ARHGAP10: variants seen among roughly 807,000 people sequenced by gnomAD.
ARHGAP10 encodes Rho GTPase activating protein 10.
Under a neutral mutation model 108.6 loss-of-function variants are expected in ARHGAP10, and 87 were observed. The observed-to-expected ratio is 0.80, with a 90% CI of 0.67 to 0.96. The LOEUF (loss-of-function observed/expected upper bound fraction) is 0.96. Among genes scored for constraint, ARHGAP10 ranks in the 40% least tolerant of loss-of-function variants. The pLI is 0.00. For synonymous variants in ARHGAP10, 347 were observed against 341.1 expected (o/e 1.02, Z -0.19); for missense variants, 939 against 954.5 (o/e 0.98, Z 0.21).
At chr4:147,951,643 G>A (rs1055049167) in intron 15 of ARHGAP10, among the ~76,000 whole-genome samples, 1 of 151,206 alleles carries the variant, frequency 6.6e-6, no homozygotes, top group East Asian at 1.9e-4. Flanking sequence ...AATAGAAACA[G>A]GGTCTCACTT....
chr4:147,776,775 T>G (rs147144123), intron 1 of ARHGAP10, among the ~76,000 whole-genome samples: 1 of 152,332 alleles, frequency 6.6e-6, no homozygotes, highest in Non-Finnish European at 1.5e-5. Context: ...CATTGGGAGC[T>G]TAGTGCACTG....
chr4:148,031,048 G>C (rs1373317983), intron 19 of ARHGAP10, among the ~76,000 whole-genome samples: 1 of 152,002 alleles, frequency 6.6e-6, no homozygotes, highest in Non-Finnish European at 1.5e-5. Flanking sequence ...GACAGATCAA[G>C]ACCCCATCTC....
At chr4:147,959,389 C>CT (rs897985666) in intron 16 of ARHGAP10, among the ~76,000 whole-genome samples, 3 of 151,824 alleles carry the variant, frequency 2.0e-5, no homozygotes, top group African/African-American at 4.8e-5. Context: ...AAATTATACT[C>CT]TAAGTTCTAG....
chr4:147,953,563 A>C (rs1738685760), intron 15 of ARHGAP10, among the ~76,000 whole-genome samples: 1 of 151,722 alleles, frequency 6.6e-6, no homozygotes. Flanking sequence ...GTATTTCTTT[A>C]TTTTATTTTT....
At chr4:148,052,521 C>T (rs1729191860) in intron 20 of ARHGAP10, among the ~76,000 whole-genome samples, 1 of 151,286 alleles carries the variant, frequency 6.6e-6, no homozygotes, top group Non-Finnish European at 1.5e-5. Context: ...AATGAACTTC[C>T]CATTGCAAAA....
chr4:147,741,221 T>G (rs982299906), intron 1 of ARHGAP10, among the ~76,000 whole-genome samples: 3 of 152,240 alleles, frequency 2.0e-5, no homozygotes, highest in Admixed American at 1.3e-4. Context: ...GATGAAAGCC[T>G]TATTGAAATT....
At chr4:148,001,752 C>A (rs113042079) in intron 18 of ARHGAP10, among the ~76,000 whole-genome samples, 1 of 152,108 alleles carries the variant, frequency 6.6e-6, no homozygotes, top group Non-Finnish European at 1.5e-5. Context: ...GTGATTTTTG[C>A]ACATCGATTT....
At chr4:147,760,405 G>A (rs901679126) in intron 1 of ARHGAP10, among the ~76,000 whole-genome samples, 3 of 152,192 alleles carry the variant, frequency 2.0e-5, no homozygotes, top group East Asian at 1.9e-4. Flanking sequence ...ACTTGGCAAC[G>A]TCAGGGTTTG....
intron 18 of ARHGAP10, among the ~76,000 whole-genome samples, chr4:147,974,557 A>G (rs78087548): frequency 6.6e-6 from 1 of 152,092 alleles, no homozygotes; most frequent in Non-Finnish European, 1.5e-5. Context: ...TTCAGATTAC[A>G]TTGATCTTAT....
At position 147,732,172 on chromosome 4, in the gene ARHGAP10, C is replaced by G; in HGVS notation, c.-130C>G. On this transcript the variant is annotated 5_prime_UTR_variant, in exon 1 of 23. Transcript: ENST00000336498. ...CTACGGGACATGTCCGTGCCGCGCT[C>G]GCCGCGCGCCCGGGCCTGCTAGCTC... The G allele has an allele frequency of 1.1e-6, 1 of 906,022 alleles. No individual in the cohort carries two copies. The highest frequency in any genetic ancestry group is 1.5e-6 in the Non-Finnish European group (1 of 668,958). The allele number at this position is 906,022 out of a possible 1,614,324, so 56.1% of individuals were successfully genotyped here.
chr4:147,743,019 G>A (rs562267054), intron 1 of ARHGAP10, among the ~76,000 whole-genome samples: 3 of 149,766 alleles, frequency 2.0e-5, no homozygotes, highest in African/African-American at 4.9e-5. Flanking sequence ...CATACTGATC[G>A]ATAGTTTTTT....
intron 13 of ARHGAP10, among the ~76,000 whole-genome samples, chr4:147,937,538 A>T (rs1162846957): frequency 1.3e-5 from 2 of 152,204 alleles, no homozygotes; most frequent in African/African-American, 4.8e-5. Flanking sequence ...ATAAAAAGCA[A>T]AGAGGATTTA....
rs59933316 is a variant in ARHGAP10, at chr4:147,837,643, G to GTTTTTTTTTTTTTTTTTTTTTTTTTT, written c.313-9489_313-9488insTTTTTTTTTTTTTTTTTTTTTTTTTT. 3.4e-4 allele frequency among the ~76,000 whole-genome samples: 24 copies of GTTTTTTTTTTTTTTTTTTTTTTTTTT among 70,238 alleles called. 3 individuals are homozygous for GTTTTTTTTTTTTTTTTTTTTTTTTTT. Among genetic ancestry groups the GTTTTTTTTTTTTTTTTTTTTTTTTTT allele is most frequent in the African/African-American group, 6.7e-4 (17 of 25,504 alleles). 46.1% of individuals were successfully genotyped at this position (70,238 alleles called of 152,430 possible). A position where few individuals can be genotyped will look rare whatever the true frequency, so the allele number is the denominator to read the frequency against. On this transcript the variant is annotated intron_variant, in intron 3 of 22. Transcript: ENST00000336498. ...CACCTCGCTAGAATCTCTGGTCACT[G>GTTTTTTTTTTTTTTTTTTTTTTTTTT]TTTTTTTTTTTTTTTTTTTAAAGCA...
chr4:147,905,167 T>C (rs1736431537), intron 10 of ARHGAP10, among the ~76,000 whole-genome samples: 1 of 152,204 alleles, frequency 6.6e-6, no homozygotes, highest in Non-Finnish European at 1.5e-5. Context: ...GAAAATTTTC[T>C]CCCATTTTGT....
chr4:148,039,998 A>T (rs1394507469), intron 19 of ARHGAP10, among the ~76,000 whole-genome samples: 1 of 152,206 alleles, frequency 6.6e-6, no homozygotes, highest in East Asian at 1.9e-4. Context: ...GTTCTCATTT[A>T]CAAGTCCATG....
At chr4:147,970,213 A>G (rs1739353633) in intron 18 of ARHGAP10, among the ~76,000 whole-genome samples, 1 of 152,200 alleles carries the variant, frequency 6.6e-6, no homozygotes, top group African/African-American at 2.4e-5. Context: ...AAAACTTCAT[A>G]TGGATGCGTG....
chr4:147,811,212 G>C (rs539237076), intron 1 of ARHGAP10, among the ~76,000 whole-genome samples: 1 of 152,326 alleles, frequency 6.6e-6, no homozygotes, highest in South Asian at 2.1e-4. Context: ...AAGTCAGACT[G>C]GTAAGTGCGG....
In ARHGAP10 at chr4:148,010,229, C is replaced by T. The variant is rs368389421; in HGVS notation, c.1717-13034C>T. Among the ~76,000 whole-genome samples the T allele has an allele frequency of 2.6e-5, 4 of 152,052 alleles. No individual in the cohort carries two copies. The East Asian group carries it at 5.8e-4, about 22-fold the overall frequency. ...ACATGATGTTGGAGATTCCAGATAT[C>T]TCTGGTCTGGTGCACCCCTTTTAGC... On this transcript the variant is annotated intron_variant, in intron 18 of 22. Coordinates refer to ENST00000336498, the MANE Select transcript of ARHGAP10 (RefSeq NM_024605.4).
At chr4:148,025,322 G>A (rs772318866) in intron 19 of ARHGAP10, among the ~76,000 whole-genome samples, 1 of 151,278 alleles carries the variant, frequency 6.6e-6, no homozygotes, top group Non-Finnish European at 1.5e-5. Context: ...TGTATTTCAT[G>A]AAGTATTTTA....
Sources: gnomAD v4.1 joint callset for allele counts (sites outside exome capture counted in the v4.1 genomes callset) on GRCh38, gnomAD v4.1.1 for gene constraint, MANE v1.5 for transcripts, NCBI Gene and HGNC (gene_info 2026-07-23, HGNC 2026-07-21) for gene names.